Variants in ASPRV1 observed in about 807,000 individuals in gnomAD.
The protein encoded by ASPRV1 is aspartic peptidase retroviral like 1.
In ASPRV1, 7 loss-of-function variants were observed where a neutral mutation model predicts 11.0. The observed-to-expected ratio is 0.64, with a 90% CI of 0.36 to 1.20. The LOEUF is 1.20. Among genes scored for constraint, ASPRV1 ranks in the 50% most tolerant of loss-of-function variants. The pLI is 0.02. For missense variants in ASPRV1, 299 were observed against 320.0 expected (o/e 0.93, Z 0.50); for synonymous variants, 136 against 138.4 (o/e 0.98, Z 0.12).
the ASPRV1 span, among the ~76,000 whole-genome samples, chr2:69,987,080 C>T: frequency 6.6e-6 from 1 of 152,030 alleles, no homozygotes; most frequent in East Asian, 1.9e-4. Flanking sequence ...GAATGCTGCT[C>T]CCGGAAAAGG....
At chr2:70,076,399 A>G in the ASPRV1 span, among the ~76,000 whole-genome samples, 1 of 152,346 alleles carries the variant, frequency 6.6e-6, no homozygotes, top group African/African-American at 2.4e-5. Flanking sequence ...TTAAATGAGA[A>G]TAACAACTAT....
the ASPRV1 span, among the ~76,000 whole-genome samples, chr2:70,000,788 CAAAAAAAAAAAAAAAA>C: frequency 9.5e-5 from 4 of 42,048 alleles, no homozygotes; most frequent in Non-Finnish European, 1.7e-4. Context: ...GACCCTGCCT[CAAAAAAAAAAAAAAAA>C]AAAAAAAAAA....
the ASPRV1 span, among the ~76,000 whole-genome samples, chr2:70,035,911 G>T: frequency 6.6e-6 from 1 of 151,248 alleles, no homozygotes; most frequent in African/African-American, 2.4e-5. Flanking sequence ...TTCTATCACT[G>T]GTCTAAGTCA....
downstream of ASPRV1, among the ~76,000 whole-genome samples, chr2:69,959,501 C>T (rs1235682037): frequency 6.6e-6 from 1 of 152,110 alleles, no homozygotes; most frequent in Non-Finnish European, 1.5e-5. Flanking sequence ...GATGCACACC[C>T]CATTCCCAGA....
At chr2:70,073,863 G>A in the ASPRV1 span, among the ~76,000 whole-genome samples, 4 of 152,054 alleles carry the variant, frequency 2.6e-5, no homozygotes, top group Non-Finnish European at 4.4e-5. Flanking sequence ...GCCAGGTGCG[G>A]TGACTCACAC....
At chr2:69,978,989 G>A in the ASPRV1 span, among the ~76,000 whole-genome samples, 1 of 152,166 alleles carries the variant, frequency 6.6e-6, no homozygotes, top group Non-Finnish European at 1.5e-5. Context: ...AGAAGGTCTT[G>A]GACCTGTCCT....
chr2:69,986,583 C>T, the ASPRV1 span, among the ~76,000 whole-genome samples: 1 of 152,230 alleles, frequency 6.6e-6, no homozygotes, highest in Non-Finnish European at 1.5e-5. Context: ...CCCAGACCCT[C>T]GTTCATGCAG....
the ASPRV1 span, among the ~76,000 whole-genome samples, chr2:70,040,367 T>G: frequency 6.6e-6 from 1 of 151,926 alleles, no homozygotes; most frequent in Non-Finnish European, 1.5e-5. Flanking sequence ...GAGCAAGACT[T>G]TGTCTCTTTA....
the ASPRV1 span, among the ~76,000 whole-genome samples, chr2:70,007,483 A>G: frequency 6.6e-6 from 1 of 152,054 alleles, no homozygotes; most frequent in African/African-American, 2.4e-5. Context: ...GCACCATTGC[A>G]CTCCGGCATG....
chr2:70,086,569 G>A, the ASPRV1 span: 2 of 152,258 alleles, frequency 1.3e-5, no homozygotes, highest in Non-Finnish European at 2.9e-5. Flanking sequence ...AAAAGCAGCC[G>A]CGGGAGCCCA....
the ASPRV1 span, among the ~76,000 whole-genome samples, chr2:70,022,195 T>C: frequency 6.6e-6 from 1 of 151,564 alleles, no homozygotes; most frequent in African/African-American, 2.4e-5. Context: ...TTTTGTATTT[T>C]TAGTAGAGAC....
chr2:70,048,107 CAA>C, the ASPRV1 span, among the ~76,000 whole-genome samples: 7 of 32,478 alleles, frequency 2.2e-4, no homozygotes, highest in East Asian at 8.5e-4. Flanking sequence ...GACTCCATCT[CAA>C]AAAAAAAAAA....
chr2:70,042,048 G>A, the ASPRV1 span, among the ~76,000 whole-genome samples: 1 of 151,862 alleles, frequency 6.6e-6, no homozygotes, highest in African/African-American at 2.4e-5. Context: ...TTCCAAAACT[G>A]TATTCCACCA....
At chr2:70,033,725 C>T in the ASPRV1 span, among the ~76,000 whole-genome samples, 1 of 152,168 alleles carries the variant, frequency 6.6e-6, no homozygotes, top group Non-Finnish European at 1.5e-5. Context: ...TGGCCACAGC[C>T]ATTTTTTGTT....
chr2:69,985,084 C>A, the ASPRV1 span, among the ~76,000 whole-genome samples: 1 of 152,112 alleles, frequency 6.6e-6, no homozygotes, highest in Non-Finnish European at 1.5e-5. Flanking sequence ...TCTCGATCTC[C>A]TGACCTTGTG....
At chr2:70,049,382 G>C in the ASPRV1 span, 1 of 151,912 alleles carries the variant, frequency 6.6e-6, no homozygotes, top group South Asian at 2.1e-4. Context: ...ATCTCTGGCA[G>C]GTAGCTGCTG....
the ASPRV1 span, among the ~76,000 whole-genome samples, chr2:70,038,235 A>C: frequency 2.0e-5 from 3 of 152,226 alleles, no homozygotes; most frequent in Non-Finnish European, 4.4e-5. Context: ...TCTACATATT[A>C]TTCTTTGTGT....
the ASPRV1 span, among the ~76,000 whole-genome samples, chr2:69,937,812 C>T: frequency 6.6e-6 from 1 of 152,168 alleles, no homozygotes; most frequent in Non-Finnish European, 1.5e-5. Context: ...TGAGGTTTCA[C>T]CATATTGGCC....
downstream of ASPRV1, among the ~76,000 whole-genome samples, chr2:69,958,505 C>T (rs1037531646): frequency 1.3e-5 from 2 of 152,168 alleles, no homozygotes; most frequent in African/African-American, 4.8e-5. Flanking sequence ...GGCAGGGAGG[C>T]TGGGGTATTG....
Sources: gnomAD v4.1 joint callset for allele counts (sites outside exome capture counted in the v4.1 genomes callset) on GRCh38, gnomAD v4.1.1 for gene constraint, MANE v1.5 for transcripts, NCBI Gene and HGNC (gene_info 2026-07-23, HGNC 2026-07-21) for gene names.